The following SNX3 variants were observed in gnomAD, a reference collection of about 807,000 sequenced individuals.
The protein encoded by SNX3 is sorting nexin-3.
SNX3 carries 5 observed loss-of-function variants against 17.7 expected under a neutral mutation model. The observed-to-expected ratio is 0.28, with a 90% CI of 0.15 to 0.59. The LOEUF is 0.59. Ranked by LOEUF, SNX3 falls within the 20% of genes least tolerant of loss-of-function variation. The pLI is 0.88. For missense variants in SNX3, 132 were observed against 206.8 expected (o/e 0.64, Z 2.22); for synonymous variants, 91 against 76.5 (o/e 1.19, Z -0.99).
rs986330632 is a variant in SNX3, at chr6:108,222,936, T to C, written c.258+14A>G. On this transcript the variant is annotated intron_variant, in intron 2 of 3. Transcript: ENST00000230085. Reference sequence around the variant, plus strand: ...AATGTTTTGCTTTAAAGTTGCATCATAAATCATTCTTACCTTGCTCTCTCT... The same window carrying C: ...AATGTTTTGCTTTAAAGTTGCATCACAAATCATTCTTACCTTGCTCTCTCT... 2.0e-6 allele frequency: 3 copies of C among 1,504,228 alleles called. No individual in the cohort carries two copies. The highest frequency in any genetic ancestry group is 1.7e-5 in the Admixed American group (1 of 58,802). The allele number at this position is 1,504,228 out of a possible 1,614,324, so 93.2% of individuals were successfully genotyped here.
chr6:108,245,354 T>C (rs1172129141), intron 1 of SNX3, among the ~76,000 whole-genome samples: 3 of 152,232 alleles, frequency 2.0e-5, no homozygotes, highest in African/African-American at 7.2e-5. Context: ...ATCCAGTCTA[T>C]CATTGATAGG....
At chr6:108,233,894 T>C (rs1162495299) in intron 1 of SNX3, among the ~76,000 whole-genome samples, 1 of 152,192 alleles carries the variant, frequency 6.6e-6, no homozygotes, top group African/African-American at 2.4e-5. Context: ...ACTGTGAGAA[T>C]GGAGTGTAAA....
intron 1 of SNX3, among the ~76,000 whole-genome samples, chr6:108,244,505 T>C (rs1775622705): frequency 6.6e-6 from 1 of 152,126 alleles, no homozygotes; most frequent in Admixed American, 6.6e-5. Flanking sequence ...ATATACATAA[T>C]ATAAAATTAT....
chr6:108,260,698 C>G, intron 1 of SNX3, 62 bp downstream of exon 1: 2 of 1,585,228 alleles, frequency 1.3e-6, no homozygotes, highest in Non-Finnish European at 1.7e-6. Context: ...ACTCCCGGGT[C>G]GAGTGGGGGT....
intron 1 of SNX3, among the ~76,000 whole-genome samples, chr6:108,234,656 A>G (rs1009175107): frequency 6.6e-6 from 1 of 152,244 alleles, no homozygotes; most frequent in African/African-American, 2.4e-5. Context: ...ATTGACTTGT[A>G]GATACTCCAT....
At chr6:108,229,679 T>C (rs1775082715) in intron 1 of SNX3, among the ~76,000 whole-genome samples, 1 of 152,214 alleles carries the variant, frequency 6.6e-6, no homozygotes, top group Non-Finnish European at 1.5e-5. Flanking sequence ...CAGGACTCTT[T>C]TAACACAGAG....
intron 1 of SNX3, among the ~76,000 whole-genome samples, chr6:108,240,954 A>C (rs1320037803): frequency 6.6e-6 from 1 of 151,796 alleles, no homozygotes; most frequent in Non-Finnish European, 1.5e-5. Flanking sequence ...CACCCTGGCC[A>C]ACACGGTGAA....
At chr6:108,246,018 C>T (rs1424022779) in intron 1 of SNX3, among the ~76,000 whole-genome samples, 1 of 152,124 alleles carries the variant, frequency 6.6e-6, no homozygotes, top group Non-Finnish European at 1.5e-5. Flanking sequence ...CTTGCCCATG[C>T]CTATGTCCTG....
chr6:108,224,720 C>G (rs888415633), intron 1 of SNX3, among the ~76,000 whole-genome samples: 1 of 152,206 alleles, frequency 6.6e-6, no homozygotes, highest in Non-Finnish European at 1.5e-5. Flanking sequence ...GTGCTGCATA[C>G]AGTGTCTATG....
intron 1 of SNX3, among the ~76,000 whole-genome samples, chr6:108,245,959 C>CA (rs1283946047): frequency 6.6e-6 from 1 of 152,140 alleles, no homozygotes; most frequent in Non-Finnish European, 1.5e-5. Context: ...TCCCATTTGT[C>CA]AATTTTGGCT....
intron 1 of SNX3, among the ~76,000 whole-genome samples, chr6:108,232,743 A>C (rs1215648051): frequency 1.3e-5 from 2 of 152,210 alleles, no homozygotes; most frequent in Non-Finnish European, 1.5e-5. Flanking sequence ...AGTTCTCATT[A>C]AACAGCTGCA....
At chr6:108,225,555 C>T (rs905248358) in intron 1 of SNX3, among the ~76,000 whole-genome samples, 4 of 151,918 alleles carry the variant, frequency 2.6e-5, no homozygotes, top group Admixed American at 1.3e-4. Context: ...TGCTTGAACC[C>T]GGGAGGTGGA....
chr6:108,218,077 G>T (rs1177126071), intron 2 of SNX3, among the ~76,000 whole-genome samples: 1 of 152,092 alleles, frequency 6.6e-6, no homozygotes, highest in Non-Finnish European at 1.5e-5. Context: ...GAAGTATTGT[G>T]CTTCAAAGGA....
At chr6:108,258,668 C>T (rs949888473) in intron 1 of SNX3, among the ~76,000 whole-genome samples, 4 of 151,866 alleles carry the variant, frequency 2.6e-5, no homozygotes, top group Admixed American at 6.6e-5. Flanking sequence ...CGCGCCACCA[C>T]GCCCAACTAA....
In SNX3 at chr6:108,222,985, CA is replaced by C; in HGVS notation, c.222del (p.Phe74LeufsTer8). The C allele has an allele frequency of 6.2e-7, 1 of 1,609,612 alleles. No individual in the cohort carries two copies. Among genetic ancestry groups the C allele is most frequent in the Non-Finnish European group, 8.5e-7 (1 of 1,177,310 alleles). ...CTTTCTAATTCACTTCGCAGCCATTCAAAGTCACTGTATCTTCTTCTAACAG... is the reference window on the plus strand; with the variant it reads ...CTTTCTAATTCACTTCGCAGCCATTCAAGTCACTGTATCTTCTTCTAACAG... ...ESTVRRRYSDFEWLRSELERE... is the reference protein window; with the variant it reads ...ESTVRRRYSDXEWLRSELERE... On this transcript the variant is annotated frameshift_variant, in exon 2 of 4. Coordinates refer to ENST00000230085, the MANE Select transcript of SNX3 (RefSeq NM_003795.6). LOFTEE classifies it high-confidence loss of function.
chr6:108,220,665 T>C (rs1774735071), intron 2 of SNX3, among the ~76,000 whole-genome samples: 1 of 152,170 alleles, frequency 6.6e-6, no homozygotes, highest in Admixed American at 6.5e-5. Context: ...ACCACATTGT[T>C]TGAATTACTA....
intron 1 of SNX3, among the ~76,000 whole-genome samples, chr6:108,258,653 G>A (rs559900986): frequency 6.6e-6 from 1 of 151,900 alleles, no homozygotes; most frequent in African/African-American, 2.4e-5. Flanking sequence ...GGGACCTCAG[G>A]GATGCGCGCC....
At chr6:108,259,728 T>C (rs866674729) in intron 1 of SNX3, among the ~76,000 whole-genome samples, 20 of 152,304 alleles carry the variant, frequency 1.3e-4, no homozygotes, top group Middle Eastern at 6.8e-3. Flanking sequence ...ATGGTTAGGA[T>C]GGTAAATTTG....
At chr6:108,213,678 G>C (rs1197985003) in intron 3 of SNX3, among the ~76,000 whole-genome samples, 1 of 150,706 alleles carries the variant, frequency 6.6e-6, no homozygotes, top group Admixed American at 6.6e-5. Flanking sequence ...ATCTAATATA[G>C]TACTGCCTTC....
Sources: gnomAD v4.1 joint callset for allele counts (sites outside exome capture counted in the v4.1 genomes callset) on GRCh38, gnomAD v4.1.1 for gene constraint, MANE v1.5 for transcripts, NCBI Gene and HGNC (gene_info 2026-07-23, HGNC 2026-07-21) for gene names.